Variants in WDPCP observed in about 807,000 individuals in gnomAD.
WDPCP encodes WD repeat containing planar cell polarity effector.
In WDPCP, 71 loss-of-function variants were observed where a neutral mutation model predicts 93.1. The observed-to-expected ratio is 0.76, with a 90% confidence interval of 0.63 to 0.93. The LOEUF (loss-of-function observed/expected upper bound fraction) is 0.93, where lower values mean the gene tolerates loss of function less well. Among genes scored for constraint, WDPCP ranks in the 40% least tolerant of loss-of-function variants. The pLI, the probability that WDPCP is intolerant of heterozygous loss-of-function variation, is 0.00. For synonymous variants in WDPCP, 315 were observed against 315.0 expected (o/e 1.00, Z 0.00); for missense variants, 844 against 887.4 (o/e 0.95, Z 0.62).
intron 1 of WDPCP, among the ~76,000 whole-genome samples, chr2:63,554,551 G>A (rs1458873146): frequency 6.6e-6 from 1 of 152,074 alleles, no homozygotes; most frequent in Non-Finnish European, 1.5e-5. Context: ...TACTTTGGAG[G>A]CTGAGGCAGG....
intron 2 of WDPCP, among the ~76,000 whole-genome samples, chr2:63,691,057 G>A (rs1442743894): frequency 1.3e-5 from 2 of 152,162 alleles, no homozygotes; most frequent in East Asian, 1.9e-4. Flanking sequence ...ATATTTATCT[G>A]GATCTGTTAT....
rs140612772 is a variant in WDPCP, at chr2:63,679,338, G to C, written n.309-28500C>G. The stretch of plus-strand genomic sequence containing the variant: ...CTTCTACATTCTCGGTGTACAGTGT[G>C]TGGAGAATTAGAATGACTACACTAT... On this transcript the variant is annotated intron_variant and non_coding_transcript_variant, in intron 2 of 4. Transcript: ENST00000467687. 6.2e-3 allele frequency among the ~76,000 whole-genome samples: 947 copies of C among 152,254 alleles called. 16 individuals carry two copies. The highest frequency in any genetic ancestry group is 0.022 in the African/African-American group (902 of 41,534).
chr2:63,643,666 C>G, intron 3 of WDPCP: 1 of 464,136 alleles, frequency 2.2e-6, no homozygotes, highest in South Asian at 1.7e-5. Context: ...AAAGATTTTT[C>G]TCACTTTGCA....
chr2:63,369,759 C>T (rs1558529979), intron 12 of WDPCP, among the ~76,000 whole-genome samples: 1 of 152,130 alleles, frequency 6.6e-6, no homozygotes, highest in Non-Finnish European at 1.5e-5. Context: ...GCAAATGGAA[C>T]AGAGTGGGTA....
intron 13 of WDPCP, among the ~76,000 whole-genome samples, chr2:63,290,242 T>G (rs989995882): frequency 6.6e-6 from 1 of 152,030 alleles, no homozygotes; most frequent in Non-Finnish European, 1.5e-5. Flanking sequence ...TATTTACATT[T>G]TTTTTAAAAT....
chr2:63,377,238 C>T (rs1691919563), intron 12 of WDPCP, among the ~76,000 whole-genome samples: 1 of 151,630 alleles, frequency 6.6e-6, no homozygotes. Context: ...ACTACTTTAA[C>T]AGGAGTTTCT....
intron 12 of WDPCP, among the ~76,000 whole-genome samples, chr2:63,369,697 GTCTATTTCTCTCACAAC>G (rs1193777912): frequency 6.6e-6 from 1 of 152,084 alleles, no homozygotes; most frequent in Non-Finnish European, 1.5e-5. Flanking sequence ...AATGAATCCA[GTCTATTTCTCTCACAAC>G]AGAAAAAAAG....
At chr2:63,462,734 G>C (rs1476768261) in intron 6 of WDPCP, among the ~76,000 whole-genome samples, 3 of 152,178 alleles carry the variant, frequency 2.0e-5, no homozygotes, top group East Asian at 3.9e-4. Context: ...AGTTGGATAT[G>C]GGGGGAAAGA....
At chr2:63,830,891 A>G (rs1406557392), upstream of WDPCP, among the ~76,000 whole-genome samples, 1 of 152,142 alleles carries the variant, frequency 6.6e-6, no homozygotes, top group Non-Finnish European at 1.5e-5. Flanking sequence ...GACAATTCCT[A>G]AATTTATACC....
At chr2:63,667,941 C>T (rs1230705599) in intron 2 of WDPCP, among the ~76,000 whole-genome samples, 1 of 152,198 alleles carries the variant, frequency 6.6e-6, no homozygotes, top group Non-Finnish European at 1.5e-5. Flanking sequence ...TCCTACTCCC[C>T]ACTTTTCTCT....
chr2:63,575,370 G>GTATACACGA (rs1707869331), intron 1 of WDPCP, among the ~76,000 whole-genome samples: 8 of 128,392 alleles, frequency 6.2e-5, no homozygotes, highest in Non-Finnish European at 8.2e-5. Context: ...AGTATATACA[G>GTATACACGA]TATATACAGT....
chr2:63,660,784 T>C (rs756498529), intron 2 of WDPCP, among the ~76,000 whole-genome samples: 1 of 152,206 alleles, frequency 6.6e-6, no homozygotes, highest in Non-Finnish European at 1.5e-5. Context: ...TTGAATAACA[T>C]TTTAGTAACA....
chr2:63,734,176 C>T (rs1669604181), intron 2 of WDPCP, among the ~76,000 whole-genome samples: 1 of 151,870 alleles, frequency 6.6e-6, no homozygotes, highest in Non-Finnish European at 1.5e-5. Context: ...TTTTAAATTT[C>T]CTTTAATTTT....
At chr2:63,410,043 T>C (rs955900024) in intron 9 of WDPCP, among the ~76,000 whole-genome samples, 2 of 152,148 alleles carry the variant, frequency 1.3e-5, no homozygotes, top group African/African-American at 4.8e-5. Flanking sequence ...GGGAAATTCA[T>C]CGCAAAAAGA....
At chr2:63,209,202 T>C (rs1326645204) in intron 14 of WDPCP, among the ~76,000 whole-genome samples, 1 of 152,236 alleles carries the variant, frequency 6.6e-6, no homozygotes, top group Non-Finnish European at 1.5e-5. Flanking sequence ...AACTGTAGAA[T>C]TGCATAACAC....
chr2:63,154,389 A>G (rs1034264702), intron 15 of WDPCP, among the ~76,000 whole-genome samples: 2 of 152,130 alleles, frequency 1.3e-5, no homozygotes, highest in African/African-American at 4.8e-5. Flanking sequence ...ATGTTGTATG[A>G]TTGGAATTAT....
chr2:63,529,145 T>C (rs1703605483), intron 1 of WDPCP, among the ~76,000 whole-genome samples: 1 of 152,192 alleles, frequency 6.6e-6, no homozygotes, highest in African/African-American at 2.4e-5. Flanking sequence ...AAATATACAA[T>C]CGTGCCATCT....
intron 2 of WDPCP, among the ~76,000 whole-genome samples, chr2:63,798,832 A>T (rs1156291188): frequency 6.6e-6 from 1 of 152,160 alleles, no homozygotes; most frequent in East Asian, 1.9e-4. Context: ...TCTAAGAAAC[A>T]CACTTCACCT....
chr2:63,393,582 C>T (rs1693464954), intron 10 of WDPCP, among the ~76,000 whole-genome samples: 1 of 150,992 alleles, frequency 6.6e-6, no homozygotes, highest in African/African-American at 2.4e-5. Flanking sequence ...ATTTAAAATT[C>T]ATATGGAACC....
Sources: allele counts gnomAD v4.1 joint callset (sites outside exome capture counted in the v4.1 genomes callset), GRCh38; gene constraint gnomAD v4.1.1; transcripts MANE v1.5; gene names NCBI Gene and HGNC (gene_info 2026-07-23, HGNC 2026-07-21).